FANCD2: variants seen among roughly 807,000 people sequenced by gnomAD.
The protein encoded by FANCD2 is Fanconi anemia group D2 protein.
FANCD2 carries 131 observed loss-of-function variants against 192.3 expected under a neutral mutation model. The observed-to-expected ratio is 0.68, with a 90% CI of 0.59 to 0.79. The LOEUF is 0.79. Among genes scored for constraint, FANCD2 ranks in the 30% least tolerant of loss-of-function variants. FANCD2 has a pLI of 0.00. For missense variants in FANCD2, 1,508 were observed against 1,701.6 expected (o/e 0.89, Z 2.00); for synonymous variants, 524 against 612.5 (o/e 0.86, Z 2.13).
intron 9 of FANCD2, chr3:10,041,201 A>C: frequency 4.3e-6 from 1 of 230,940 alleles, no homozygotes; most frequent in South Asian, 5.8e-5. Flanking sequence ...CCCTGTCTCA[A>C]AAAACAAACA....
At chr3:10,060,173 A>G (rs981311953) in intron 18 of FANCD2, 121 bp from the exon 19 acceptor site, 2 of 717,780 alleles carry the variant, frequency 2.8e-6, no homozygotes, top group Non-Finnish European at 4.7e-6. Flanking sequence ...GTCTCAAAAA[A>G]AAAAAAAAAC....
At chr3:10,066,841 C>A (rs2087733912) in intron 25 of FANCD2, among the ~76,000 whole-genome samples, 1 of 152,180 alleles carries the variant, frequency 6.6e-6, no homozygotes, top group Non-Finnish European at 1.5e-5. Flanking sequence ...TCTCCTTCTT[C>A]AGCCTCCCTA....
rs529308850 is a variant in FANCD2, at chr3:10,090,808, TTTTTGTTTTTG to T, written c.3777+433_3777+443del. On this transcript the variant is annotated intron_variant, in intron 37 of 43. Transcript: ENST00000675286. ...GGGTCCAAGTTTTCTCCTAAGCTGT[TTTTTGTTTTTG>T]TTTTGTTTTGAGTTTCTGAGATTCA... Among the ~76,000 whole-genome samples the T allele has an allele frequency of 1.9e-3, 291 of 152,134 alleles. 3 individuals are homozygous for T. The highest frequency in any genetic ancestry group is 6.9e-3 in the African/African-American group (285 of 41,522).
At chr3:10,095,878 ATT>A (rs397950663) in intron 41 of FANCD2, among the ~76,000 whole-genome samples, 38 of 125,754 alleles carry the variant, frequency 3.0e-4, no homozygotes, top group African/African-American at 7.1e-4. Context: ...CTGAACAGTG[ATT>A]TTTTTTTTTT....
At chr3:10,055,556 T>C (rs952207331) in intron 18 of FANCD2, among the ~76,000 whole-genome samples, 3 of 152,206 alleles carry the variant, frequency 2.0e-5, no homozygotes, top group African/African-American at 4.8e-5. Context: ...CTCACGCCTG[T>C]AATCCCAGCA....
At chr3:10,096,571 G>A in intron 42 of FANCD2, 99 bp downstream of exon 42, 1 of 1,104,980 alleles carries the variant, frequency 9.0e-7, no homozygotes, top group Non-Finnish European at 1.4e-6. Context: ...TCGTCTCTCA[G>A]TAAGGCTACT....
intron 16 of FANCD2, 24 bp downstream of exon 16, chr3:10,048,075 C>A (rs1167939244): frequency 1.2e-6 from 2 of 1,614,072 alleles, no homozygotes; most frequent in Admixed American, 3.3e-5. Flanking sequence ...TTTATTTTGG[C>A]AAGGAGGGAA....
intron 10 of FANCD2, among the ~76,000 whole-genome samples, chr3:10,042,140 C>T (rs928995253): frequency 6.6e-6 from 1 of 152,160 alleles, no homozygotes; most frequent in Non-Finnish European, 1.5e-5. Context: ...TTGTTTTCCA[C>T]CCCCCTCGGC....
At chr3:10,031,135 C>G (rs943118664) in intron 2 of FANCD2, among the ~76,000 whole-genome samples, 3 of 152,144 alleles carry the variant, frequency 2.0e-5, no homozygotes, top group African/African-American at 4.8e-5. Flanking sequence ...CTGAAACTTT[C>G]ATTCTGGTTG....
chr3:10,085,138 CTGTATT>C (rs1271702186), intron 32 of FANCD2, among the ~76,000 whole-genome samples: 1 of 152,106 alleles, frequency 6.6e-6, no homozygotes, highest in Non-Finnish European at 1.5e-5. Context: ...AAAATTATTC[CTGTATT>C]TTTGAAGAAG....
At chr3:10,081,587 T>A in intron 32 of FANCD2, 123 bp downstream of exon 32, 1 of 803,458 alleles carries the variant, frequency 1.2e-6, no homozygotes, top group Non-Finnish European at 2.2e-6. Flanking sequence ...TATGGTTCAT[T>A]AATTTTGTGG....
chr3:10,095,154 G>A (rs757739892), intron 40 of FANCD2, 46 bp from the exon 41 acceptor site: 22 of 1,502,120 alleles, frequency 1.5e-5, no homozygotes, highest in Non-Finnish European at 1.9e-5. Context: ...AATCTAAAAT[G>A]AAATCAGGAC....
At chr3:10,046,418 T>G in intron 14 of FANCD2, 162 bp from the exon 15 acceptor site, 1 of 1,198,172 alleles carries the variant, frequency 8.3e-7, no homozygotes. Flanking sequence ...TGAAAAATAT[T>G]TCTGAGTTTT....
rs144497173 is a variant in FANCD2, at chr3:10,047,041, C to A, written c.1278+318C>A. 7.3e-3 allele frequency among the ~76,000 whole-genome samples: 1,117 copies of A among 152,190 alleles called. 1 individual carries two copies. The highest frequency in any genetic ancestry group is 0.025 in the African/African-American group (1,051 of 41,428). ...AAACTGTGGACTTTAGGTGATAATTCCTCTAGAAATGTAAATTATTCAAAG... is the reference window on the plus strand; with the variant it reads ...AAACTGTGGACTTTAGGTGATAATTACTCTAGAAATGTAAATTATTCAAAG... On this transcript the variant is annotated intron_variant, in intron 15 of 43. Coordinates refer to ENST00000675286, the MANE Select transcript of FANCD2 (RefSeq NM_001018115.3).
intron 29 of FANCD2, among the ~76,000 whole-genome samples, chr3:10,077,107 C>T (rs1046836634): frequency 6.6e-6 from 1 of 151,830 alleles, no homozygotes; most frequent in Admixed American, 6.6e-5. Flanking sequence ...GTGACGCACA[C>T]CTGTGATCCC....
In FANCD2 at chr3:10,062,316, C is replaced by T. The variant is rs561289234; in HGVS notation, c.1827+105C>T. ...AGTGCAGTGGCAAGATCTCGGCTCACTGCAACCTCCACCTCTCAGGTTCAA... is the reference window on the plus strand; with the variant it reads ...AGTGCAGTGGCAAGATCTCGGCTCATTGCAACCTCCACCTCTCAGGTTCAA... On this transcript the variant is annotated intron_variant, in intron 20 of 43. Coordinates refer to ENST00000675286, the MANE Select transcript of FANCD2 (RefSeq NM_001018115.3). The T allele has an allele frequency of 2.2e-5, 19 of 845,372 alleles. No homozygotes were observed. The East Asian group carries it at 2.7e-4, about 12-fold the overall frequency. The allele number at this position is 845,372 out of a possible 1,614,324, so 52.4% of individuals were successfully genotyped here. A position where few individuals can be genotyped will look rare whatever the true frequency, so the allele number is the denominator to read the frequency against.
intron 39 of FANCD2, 42 bp downstream of exon 39, chr3:10,093,365 G>T: frequency 6.6e-7 from 1 of 1,521,184 alleles, no homozygotes; most frequent in Non-Finnish European, 9.1e-7. Flanking sequence ...TATTCTTCCT[G>T]TGGATCACTC....
chr3:10,042,821 T>C (rs902043745), intron 11 of FANCD2, among the ~76,000 whole-genome samples, 158 bp downstream of exon 11: 8 of 152,240 alleles, frequency 5.3e-5, no homozygotes, highest in Non-Finnish European at 8.8e-5. Flanking sequence ...TAAGCTGCTA[T>C]AAGTTACATT....
At position 10,098,977 on chromosome 3, in the gene FANCD2, G is replaced by A. The variant is rs200172687; in HGVS notation, c.4281+162G>A. ...AGCTTCTGTGCTTATATAATTTTTG[G>A]GACCCAGAAGAAACAACGACACAAT... is the stretch of plus-strand genomic sequence containing the variant. On this transcript the variant is annotated intron_variant, in intron 43 of 43. Transcript: ENST00000675286. The A allele has an allele frequency of 1.0e-4, 161 of 1,613,950 alleles. No homozygotes were observed. In the African/African-American group the frequency reaches 1.8e-3, roughly 18 times the overall value.
Sources: allele counts gnomAD v4.1 joint callset (sites outside exome capture counted in the v4.1 genomes callset), GRCh38; gene constraint gnomAD v4.1.1; transcripts MANE v1.5; gene names NCBI Gene and HGNC (gene_info 2026-07-23, HGNC 2026-07-21).